FBXO25: variants seen among roughly 807,000 people sequenced by gnomAD.
FBXO25 encodes the protein F-box only protein 25.
A neutral mutation model predicts 51.9 loss-of-function variants in FBXO25; 45 were observed. The ratio of observed to expected loss-of-function variants is 0.87; its 90% CI spans 0.68 to 1.11. The LOEUF (loss-of-function observed/expected upper bound fraction) is 1.11, where lower values mean the gene tolerates loss of function less well. Among genes scored for constraint, FBXO25 ranks in the 50% most tolerant of loss-of-function variants. The probability of loss-of-function intolerance (pLI) is 0.00; values close to 1 mark genes in which losing one functional copy is unlikely to be tolerated. For missense variants in FBXO25, 507 were observed against 428.5 expected (o/e 1.18, Z -1.62); for synonymous variants, 199 against 151.0 (o/e 1.32, Z -2.33).
At chr8:454,903 A>AAAAAAAAAAAAAAAAAAAC (rs1799325746) in intron 7 of FBXO25, among the ~76,000 whole-genome samples, 1 of 145,132 alleles carries the variant, frequency 6.9e-6, no homozygotes, top group Non-Finnish European at 1.5e-5. Flanking sequence ...AAAAAGAAAA[A>AAAAAAAAAAAAAAAAAAAC]GAAAAAGAAA....
In FBXO25 at chr8:463,394, G is replaced by A. The variant is rs377733677; in HGVS notation, c.987+244G>A. 1.1e-4 allele frequency among the ~76,000 whole-genome samples: 16 copies of A among 152,326 alleles called. No homozygotes were observed. The South Asian group carries it at 2.7e-3, about 26-fold the overall frequency. On this transcript the variant is annotated intron_variant, in intron 9 of 9. Coordinates refer to ENST00000350302, the MANE Select transcript of FBXO25 (RefSeq NM_183420.2). The stretch of plus-strand genomic sequence containing the variant: ...TGCAGAAGTTAGCATGCAGGAGGGC[G>A]TTGCAGGCGGATTGCAGCCAGTGAC...
chr8:459,369 G>C (rs1799658516), intron 8 of FBXO25, among the ~76,000 whole-genome samples: 1 of 152,194 alleles, frequency 6.6e-6, no homozygotes, highest in Non-Finnish European at 1.5e-5. Flanking sequence ...CAGAGAGCCG[G>C]ACCCTAGCAT....
chr8:434,060 C>G (rs1797967282), intron 4 of FBXO25, among the ~76,000 whole-genome samples: 1 of 152,210 alleles, frequency 6.6e-6, no homozygotes, highest in Non-Finnish European at 1.5e-5. Context: ...AAAGGAGGAT[C>G]TTCTTGTGAG....
intron 6 of FBXO25, chr8:450,968 C>A (rs947843535): frequency 8.6e-6 from 2 of 232,736 alleles, no homozygotes; most frequent in African/African-American, 2.3e-5. Context: ...TCTGTCTCTA[C>A]GAGTTTGACT....
In FBXO25 at chr8:442,556, G is replaced by GC. The variant is rs542039980; in HGVS notation, c.381+6855dup. ...ATAATCTTGGCCCACTGCAACTTCC[G>GC]CCCCCCGGGTTCAAGCGATTCTCCT... On this transcript the variant is annotated intron_variant, in intron 5 of 9. Transcript: ENST00000350302. Among the ~76,000 whole-genome samples the GC allele has an allele frequency of 3.9e-3, 587 of 151,692 alleles. 3 individuals are homozygous for GC. The highest frequency in any genetic ancestry group is 0.013 in the African/African-American group (549 of 41,412).
At chr8:414,950 T>C (rs1448873811) in intron 2 of FBXO25, among the ~76,000 whole-genome samples, 1 of 152,188 alleles carries the variant, frequency 6.6e-6, no homozygotes, top group Non-Finnish European at 1.5e-5. Flanking sequence ...TCCAAACCTG[T>C]GGGTAGAGGC....
At chr8:441,943 G>C (rs1257971819) in intron 5 of FBXO25, among the ~76,000 whole-genome samples, 1 of 152,210 alleles carries the variant, frequency 6.6e-6, no homozygotes, top group Non-Finnish European at 1.5e-5. Context: ...GGAAGACAGT[G>C]TGGTGATTCC....
chr8:453,206 C>T (rs1195170763), intron 7 of FBXO25, among the ~76,000 whole-genome samples: 8 of 152,210 alleles, frequency 5.3e-5, no homozygotes, highest in South Asian at 2.1e-4. Context: ...AATAAGAAAG[C>T]GCTGATGATA....
intron 2 of FBXO25, among the ~76,000 whole-genome samples, chr8:424,642 T>G (rs1797360936): frequency 6.6e-6 from 1 of 152,238 alleles, no homozygotes; most frequent in South Asian, 2.1e-4. Context: ...CTGCTGTTTT[T>G]GCTGGCCTTG....
chr8:454,985 A>C (rs1424999918), intron 7 of FBXO25, among the ~76,000 whole-genome samples: 1 of 152,102 alleles, frequency 6.6e-6, no homozygotes, highest in African/African-American at 2.4e-5. Flanking sequence ...CTCCAGGGGC[A>C]AGAGGTTTGA....
At chr8:427,945 G>A (rs1462896245) in intron 2 of FBXO25, among the ~76,000 whole-genome samples, 2 of 152,072 alleles carry the variant, frequency 1.3e-5, no homozygotes, top group Non-Finnish European at 2.9e-5. Context: ...ACCCTAGAGT[G>A]GTCTGGGAGA....
At chr8:415,088 T>C (rs905434051) in intron 2 of FBXO25, among the ~76,000 whole-genome samples, 29 of 152,220 alleles carry the variant, frequency 1.9e-4, no homozygotes, top group African/African-American at 6.8e-4. Flanking sequence ...TTAAAATCAC[T>C]ATATAAATGG....
intron 2 of FBXO25, among the ~76,000 whole-genome samples, chr8:418,777 G>GT (rs760777978): frequency 2.0e-5 from 3 of 152,142 alleles, no homozygotes; most frequent in African/African-American, 7.2e-5. Context: ...AGAAATCAAA[G>GT]TTTTTTTAAC....
intron 9 of FBXO25, among the ~76,000 whole-genome samples, chr8:467,054 G>A (rs1354732478): frequency 6.6e-6 from 1 of 152,146 alleles, no homozygotes; most frequent in Non-Finnish European, 1.5e-5. Flanking sequence ...TGGACATCAG[G>A]AGCAAAGTTG....
intron 7 of FBXO25, among the ~76,000 whole-genome samples, chr8:457,476 C>T (rs184350910): frequency 1.3e-5 from 2 of 152,286 alleles, no homozygotes; most frequent in East Asian, 3.9e-4. Context: ...TGCATTTACT[C>T]TCTGGCGTGT....
intron 2 of FBXO25, among the ~76,000 whole-genome samples, chr8:414,356 AT>A (rs1390756736): frequency 6.6e-6 from 1 of 152,186 alleles, no homozygotes; most frequent in African/African-American, 2.4e-5. Context: ...TTTTTTTAAA[AT>A]TTAAAGATGG....
At chr8:450,162 C>G in intron 6 of FBXO25, 79 bp downstream of exon 6, 1 of 1,020,382 alleles carries the variant, frequency 9.8e-7, no homozygotes, top group Non-Finnish European at 1.5e-6. Context: ...TTTCTTTTAT[C>G]TTTACCCAGT....
chr8:437,783 ACTGTGCAGGTATTTGG>A (rs1798190299), intron 5 of FBXO25, among the ~76,000 whole-genome samples: 3 of 150,492 alleles, frequency 2.0e-5, no homozygotes, highest in Non-Finnish European at 4.4e-5. Flanking sequence ...TATCATACAT[ACTGTGCAGGTATTTGG>A]TATTTTTTTG....
intron 5 of FBXO25, among the ~76,000 whole-genome samples, chr8:446,901 C>A (rs1451219101): frequency 6.6e-6 from 1 of 151,458 alleles, no homozygotes; most frequent in Non-Finnish European, 1.5e-5. Flanking sequence ...TCAAGAAAGG[C>A]TGGAAGGAGA....
Sources: gnomAD v4.1 joint callset for allele counts (sites outside exome capture counted in the v4.1 genomes callset) on GRCh38, gnomAD v4.1.1 for gene constraint, MANE v1.5 for transcripts, NCBI Gene and HGNC (gene_info 2026-07-23, HGNC 2026-07-21) for gene names.